PARD3B: variants seen among roughly 807,000 people sequenced by gnomAD.
PARD3B encodes the protein par-3 family cell polarity regulator beta.
In PARD3B, 103 loss-of-function variants were observed where a neutral mutation model predicts 130.2. The observed-to-expected ratio is 0.79, with a 90% CI of 0.67 to 0.93. The LOEUF is 0.93. PARD3B is among the 40% of genes least tolerant of loss of function. PARD3B has a pLI of 0.00. For missense variants in PARD3B, 1,609 were observed against 1,499.2 expected, an observed-to-expected ratio of 1.07 and a Z score of -1.21; for synonymous variants, 583 against 553.2, an observed-to-expected ratio of 1.05 and a Z score of -0.76.
At chr2:205,501,735 C>T (rs1365406591) in intron 21 of PARD3B, among the ~76,000 whole-genome samples, 3 of 152,172 alleles carry the variant, frequency 2.0e-5, no homozygotes, top group Admixed American at 1.3e-4. Context: ...GATTTCCTTA[C>T]ATCAAGCTGA....
intron 3 of PARD3B, among the ~76,000 whole-genome samples, chr2:205,027,246 T>C (rs891113642): frequency 6.6e-6 from 1 of 152,184 alleles, no homozygotes; most frequent in Non-Finnish European, 1.5e-5. Context: ...TTTCTGATAA[T>C]AGCCATCCTA....
At chr2:205,090,561 T>C (rs1015312598) in intron 4 of PARD3B, among the ~76,000 whole-genome samples, 2 of 152,226 alleles carry the variant, frequency 1.3e-5, no homozygotes, top group African/African-American at 4.8e-5. Flanking sequence ...TGCAGTCAGC[T>C]TCACAATCAG....
Position 204,610,323 on chromosome 2 carries a change from T to C in PARD3B, c.120+64204T>C, listed in dbSNP as rs2033875859. ...GTAATATGGCAAATATTTACAATGA[T>C]TTGTTAAGTAGTCTATCGGCATTAT... is the stretch of plus-strand genomic sequence containing the variant. On this transcript the variant is annotated intron_variant, in intron 1 of 22. Coordinates refer to ENST00000406610, the MANE Select transcript of PARD3B (RefSeq NM_001302769.2). The surrounding 1 kb of genome is among the most constrained non-coding windows in gnomAD (Gnocchi z 4.1). Among the ~76,000 whole-genome samples, 1 of 152,204 alleles carries C rather than the reference T, an allele frequency of 6.6e-6. No homozygotes were observed. Among genetic ancestry groups the C allele is most frequent in the South Asian group, 2.1e-4 (1 of 4,824 alleles).
intron 15 of PARD3B, among the ~76,000 whole-genome samples, chr2:205,233,657 G>A (rs1417382320): frequency 6.6e-6 from 1 of 152,068 alleles, no homozygotes; most frequent in Non-Finnish European, 1.5e-5. Flanking sequence ...CTATCATTAA[G>A]TTGAAAATAG....
chr2:204,786,113 C>CAA (rs56704816), intron 2 of PARD3B, among the ~76,000 whole-genome samples: 27 of 93,990 alleles, frequency 2.9e-4, no homozygotes, highest in African/African-American at 1.0e-3. Flanking sequence ...GACTCCATCT[C>CAA]AAAAAAAAAA....
rs2043536293 is a variant in PARD3B at position 205,341,664 on chromosome 2, T to C, written c.2630+39963T>C. ...AAATCATAGCTTCCGACAGCACTGT[T>C]GGTTAAATGTGGTTAACTACAATTT... On this transcript the variant is annotated intron_variant, in intron 18 of 22. Transcript: ENST00000406610. The surrounding 1 kb of genome is among the most constrained non-coding windows in gnomAD (Gnocchi z 4.3). Among the ~76,000 whole-genome samples, 2 of 152,058 alleles carry C rather than the reference T, an allele frequency of 1.3e-5. No homozygotes were observed. Among genetic ancestry groups the C allele is most frequent in the African/African-American group, 4.8e-5 (2 of 41,428 alleles).
rs374055935 is a variant in PARD3B at position 204,557,006 on chromosome 2, A to ATTT, written c.120+10898_120+10900dup. Among the ~76,000 whole-genome samples the ATTT allele has an allele frequency of 8.7e-3, 1,255 of 144,172 alleles. 16 individuals are homozygous for ATTT. The highest frequency in any genetic ancestry group is 0.031 in the African/African-American group (1,221 of 39,512). 94.6% of individuals were successfully genotyped at this position (144,172 alleles called of 152,430 possible). On this transcript the variant is annotated intron_variant, in intron 1 of 22. Coordinates refer to ENST00000406610, the MANE Select transcript of PARD3B (RefSeq NM_001302769.2). ...ACTCTCTACTCATGGGCTTTTCAGGATTTTTTTTTTTTTGAGACAGAGTCT... is the reference window on the plus strand; with the variant it reads ...ACTCTCTACTCATGGGCTTTTCAGGATTTTTTTTTTTTTTTTGAGACAGAGTCT...
intron 15 of PARD3B, among the ~76,000 whole-genome samples, chr2:205,220,238 C>A (rs2038166453): frequency 6.6e-6 from 1 of 152,150 alleles, no homozygotes; most frequent in Non-Finnish European, 1.5e-5. Context: ...GAAGACAGAA[C>A]TCATTAATGT....
intron 18 of PARD3B, among the ~76,000 whole-genome samples, chr2:205,302,130 G>A (rs1418032215): frequency 4.9e-5 from 7 of 143,946 alleles, no homozygotes; most frequent in African/African-American, 1.0e-4. Context: ...GTGCAGTGGC[G>A]TGATCTCGGC....
At chr2:204,760,785 A>C (rs2040866830) in intron 2 of PARD3B, among the ~76,000 whole-genome samples, 1 of 152,152 alleles carries the variant, frequency 6.6e-6, no homozygotes, top group African/African-American at 2.4e-5. Flanking sequence ...CTGTGCTATA[A>C]AATGTCTCTC....
Position 204,812,359 on chromosome 2 carries a change from G to A in PARD3B, c.222+126077G>A, listed in dbSNP as rs114800387. On this transcript the variant is annotated intron_variant, in intron 2 of 22. Transcript: ENST00000406610. ...CAGGGGCATAAGGCAGAGTGACAGA[G>A]TGAGGCAGGTTTTAGAATGGGAGTG... is the stretch of plus-strand genomic sequence containing the variant. Among the ~76,000 whole-genome samples the A allele has an allele frequency of 1.2e-3, 183 of 152,266 alleles. 1 individual carries two copies. The highest frequency in any genetic ancestry group is 4.2e-3 in the African/African-American group (174 of 41,572).
intron 2 of PARD3B, among the ~76,000 whole-genome samples, chr2:204,773,496 T>G (rs1411494929): frequency 1.3e-5 from 2 of 152,148 alleles, no homozygotes; most frequent in Non-Finnish European, 2.9e-5. Flanking sequence ...GGAATAGTCA[T>G]AAATTTACCA....
intron 2 of PARD3B, among the ~76,000 whole-genome samples, chr2:204,771,517 A>T (rs980853646): frequency 6.6e-6 from 1 of 152,080 alleles, no homozygotes; most frequent in Admixed American, 6.6e-5. Flanking sequence ...ACTAAGGAGT[A>T]CTAGGGCAGG....
intron 2 of PARD3B, among the ~76,000 whole-genome samples, chr2:204,918,629 CAAA>C (rs549430207): frequency 9.9e-6 from 1 of 101,204 alleles, no homozygotes; most frequent in Non-Finnish European, 1.9e-5. Context: ...GACTCCGTCT[CAAA>C]AAAAAAAAAA....
At chr2:205,350,497 C>G (rs921712780) in intron 18 of PARD3B, among the ~76,000 whole-genome samples, 1 of 152,070 alleles carries the variant, frequency 6.6e-6, no homozygotes, top group Non-Finnish European at 1.5e-5. Flanking sequence ...TAATCTTGTT[C>G]AAATTATAAC....
rs147970926 is a variant in PARD3B, at chr2:205,584,394, G to A, written c.3260+30991G>A. ...CAAGAAAGTTTTAAATTATGTATGCGAGGCCGGACACGATAGCTCATGCTT... is the reference window on the plus strand; with the variant it reads ...CAAGAAAGTTTTAAATTATGTATGCAAGGCCGGACACGATAGCTCATGCTT... On this transcript the variant is annotated intron_variant, in intron 22 of 22. Coordinates refer to ENST00000406610, the MANE Select transcript of PARD3B (RefSeq NM_001302769.2). This position sits in a 1 kb window ranked among gnomAD's most constrained non-coding sequence, Gnocchi z 5.5. Among the ~76,000 whole-genome samples, 499 of 152,120 alleles carry A rather than the reference G, an allele frequency of 3.3e-3. 1 individual carries two copies. The highest frequency in any genetic ancestry group is 0.014 in the Middle Eastern group (4 of 294).
At chr2:205,066,929 C>T (rs1700418769) in intron 4 of PARD3B, among the ~76,000 whole-genome samples, 2 of 151,952 alleles carry the variant, frequency 1.3e-5, no homozygotes, top group Admixed American at 6.6e-5. Context: ...GAGTCAGCTT[C>T]CCCTGAATCC....
rs558500479 is a variant in PARD3B at position 205,565,039 on chromosome 2, C to A, written c.3260+11636C>A. Among the ~76,000 whole-genome samples, 3 of 152,306 alleles carry A rather than the reference C, an allele frequency of 2.0e-5. No homozygotes were observed. The East Asian group carries it at 5.8e-4, about 29-fold the overall frequency. ...CGCCATTCTCCACCAACAGTACACT[C>A]TGGGACATCATTAGTACCCTTTCAA... is the stretch of plus-strand genomic sequence containing the variant. On this transcript the variant is annotated intron_variant, in intron 22 of 22. Coordinates refer to ENST00000406610, the MANE Select transcript of PARD3B (RefSeq NM_001302769.2).
chr2:205,045,500 G>A (rs889892338), intron 3 of PARD3B, among the ~76,000 whole-genome samples: 56 of 151,782 alleles, frequency 3.7e-4, no homozygotes, highest in Admixed American at 7.9e-4. Flanking sequence ...CACTTGCCTC[G>A]GCCTCCCAAA....
Sources: allele counts gnomAD v4.1 joint callset (sites outside exome capture counted in the v4.1 genomes callset), GRCh38; gene constraint gnomAD v4.1.1; non-coding constraint Gnocchi (gnomAD v3.1); transcripts MANE v1.5; gene names NCBI Gene and HGNC (gene_info 2026-07-23, HGNC 2026-07-21).